Variants in ARFGEF3 observed in about 807,000 individuals in gnomAD.
ARFGEF3 encodes brefeldin A-inhibited guanine nucleotide-exchange protein 3.
A neutral mutation model predicts 221.7 loss-of-function variants in ARFGEF3; 96 were observed. The observed-to-expected ratio is 0.43, with a 90% confidence interval of 0.37 to 0.51. The LOEUF is 0.51. Among genes scored for constraint, ARFGEF3 ranks in the 20% least tolerant of loss-of-function variants. The pLI is 0.00. For missense variants in ARFGEF3, 2,410 were observed against 2,789.9 expected, an observed-to-expected ratio of 0.86 and a Z score of 3.07; for synonymous variants, 1,145 against 1,126.8, an observed-to-expected ratio of 1.02 and a Z score of -0.32.
At chr6:138,255,319 A>T (rs1276348148) in intron 9 of ARFGEF3, 117 bp from the exon 10 acceptor site, 4 of 676,338 alleles carry the variant, frequency 5.9e-6, no homozygotes, top group Non-Finnish European at 9.7e-6. Flanking sequence ...ATGTAGCCAA[A>T]AGAAGAAGAA....
In ARFGEF3 at chr6:138,317,151, A is replaced by T. The variant is rs149878183; in HGVS notation, c.4346-100A>T. ...ACACTGGGTGATGGCTCACGTCTGT[A>T]TAGCACTTGGCAGTTTACATACAAT... is the stretch of plus-strand genomic sequence containing the variant. On this transcript the variant is annotated intron_variant, in intron 26 of 33. Coordinates refer to ENST00000251691, the MANE Select transcript of ARFGEF3 (RefSeq NM_020340.5). 467 of 1,282,724 alleles carry T rather than the reference A, an allele frequency of 3.6e-4. 2 individuals carry two copies. The African/African-American group carries it at 6.2e-3, about 17-fold the overall frequency. The allele number at this position is 1,282,724 out of a possible 1,614,324, so 79.5% of individuals were successfully genotyped here.
At position 138,162,043 on chromosome 6, in the gene ARFGEF3, G is replaced by C. The variant is rs1289255128; in HGVS notation, c.-44G>C. On this transcript the variant is annotated 5_prime_UTR_variant, in exon 1 of 34. Transcript: ENST00000251691. The surrounding 1 kb of genome is among the most constrained non-coding windows in gnomAD (Gnocchi z 4.7). Reference sequence around the variant, plus strand: ...GGCTTCCCCGGCCCGGCTCGCCCGCGCTTCTCTCCCTGTGGGCGGCGGCCC... The same window carrying C: ...GGCTTCCCCGGCCCGGCTCGCCCGCCCTTCTCTCCCTGTGGGCGGCGGCCC... 1.4e-6 allele frequency: 2 copies of C among 1,461,280 alleles called. No homozygotes were observed. Among genetic ancestry groups the C allele is most frequent in the East Asian group, 2.9e-5 (1 of 34,384 alleles). The allele number at this position is 1,461,280 out of a possible 1,614,324, so 90.5% of individuals were successfully genotyped here. A position where few individuals can be genotyped will look rare whatever the true frequency, so the allele number is the denominator to read the frequency against.
At position 138,294,089 on chromosome 6, in the gene ARFGEF3, T is replaced by G. The variant is rs560563602; in HGVS notation, c.3465T>G (p.Ser1155=). ...KKASQSQLFH[S]VTDTVDYSLA... is the part of the protein sequence containing the mutation. ...CATCGCAGTCTCAGCTTTTCCATTC[T>G]GTTACAGATACAGTTGATTACTCTC... is the stretch of plus-strand genomic sequence containing the variant. Residue 1155 remains serine, a synonymous_variant, in exon 20 of 34, where the codon TCT becomes TCG. Transcript: ENST00000251691. 100 of 1,614,006 alleles carry G rather than the reference T, an allele frequency of 6.2e-5. 1 individual carries two copies. In the South Asian group the frequency reaches 9.7e-4, roughly 16 times the overall value.
chr6:138,207,989 A>G (rs1251235767), intron 3 of ARFGEF3, among the ~76,000 whole-genome samples: 2 of 152,328 alleles, frequency 1.3e-5, no homozygotes, highest in East Asian at 3.9e-4. Flanking sequence ...CAGCATTTGA[A>G]TATTTTAAAC....
At chr6:138,299,835 A>C (rs1779598379) in intron 22 of ARFGEF3, among the ~76,000 whole-genome samples, 1 of 152,216 alleles carries the variant, frequency 6.6e-6, no homozygotes, top group Non-Finnish European at 1.5e-5. Flanking sequence ...ATTGGCTCTT[A>C]ATGGAAAGTT....
At chr6:138,292,900 A>G (rs1779438270) in intron 19 of ARFGEF3, among the ~76,000 whole-genome samples, 2 of 152,234 alleles carry the variant, frequency 1.3e-5, no homozygotes, top group Non-Finnish European at 2.9e-5. Flanking sequence ...GGAAAGTAAT[A>G]TACAGGTGTC....
In ARFGEF3 at chr6:138,291,029, C is replaced by T. The variant is rs971038675; in HGVS notation, c.3048-704C>T. Among the ~76,000 whole-genome samples the T allele has an allele frequency of 4.6e-5, 7 of 152,138 alleles. No homozygotes were observed. The highest frequency in any genetic ancestry group is 7.4e-5 in the Non-Finnish European group (5 of 68,020). On this transcript the variant is annotated intron_variant, in intron 18 of 33. Transcript: ENST00000251691. The surrounding 1 kb of genome is among the most constrained non-coding windows in gnomAD (Gnocchi z 4.5). ...TTCTAGAACATCAGAGTGGATTATCCATGATGCTCTTTACCAGTAAACAGA... is the reference window on the plus strand; with the variant it reads ...TTCTAGAACATCAGAGTGGATTATCTATGATGCTCTTTACCAGTAAACAGA...
intron 32 of ARFGEF3, 53 bp from the exon 33 acceptor site, chr6:138,333,917 C>A: frequency 2.0e-6 from 3 of 1,534,010 alleles, no homozygotes; most frequent in Non-Finnish European, 2.6e-6. Context: ...TGCTTTGAGA[C>A]ACCTGATATA....
rs80286377 is a variant in ARFGEF3 at position 138,317,739 on chromosome 6, C to T, written c.4474+360C>T. ...CCTTTGTGGCAGGATCTCACAGTCA[C>T]ATGCTCTTGGCCCTTGGGCTGTTGG... On this transcript the variant is annotated intron_variant, in intron 27 of 33. Coordinates refer to ENST00000251691, the MANE Select transcript of ARFGEF3 (RefSeq NM_020340.5). Among the ~76,000 whole-genome samples the T allele has an allele frequency of 1.5e-4, 23 of 152,308 alleles. No individual in the cohort carries two copies. In the East Asian group the frequency reaches 4.1e-3, roughly 27 times the overall value.
Position 138,162,430 on chromosome 6 carries a change from C to G in ARFGEF3, c.85+259C>G, listed in dbSNP as rs1398242019. On this transcript the variant is annotated intron_variant, in intron 1 of 33. Transcript: ENST00000251691. The surrounding 1 kb of genome is among the most constrained non-coding windows in gnomAD (Gnocchi z 4.7). ...CCTCCCTGCCTGGCGGCCCCCTTCT[C>G]CTGGTCCCGGCGCTGGGGACGATGC... Among the ~76,000 whole-genome samples the G allele has an allele frequency of 3.3e-5, 5 of 152,212 alleles. No homozygotes were observed. Among genetic ancestry groups the G allele is most frequent in the African/African-American group, 1.2e-4 (5 of 41,460 alleles).
At chr6:138,238,915 T>C (rs377315099) in intron 6 of ARFGEF3, among the ~76,000 whole-genome samples, 5 of 152,320 alleles carry the variant, frequency 3.3e-5, no homozygotes, top group East Asian at 1.9e-4. Context: ...TGAAAATTTT[T>C]ATTAGAAACA....
chr6:138,270,506 A>T (rs931793207), intron 12 of ARFGEF3, among the ~76,000 whole-genome samples: 1 of 151,866 alleles, frequency 6.6e-6, no homozygotes, highest in Admixed American at 6.6e-5. Context: ...ATCTAACTTC[A>T]GATCCCAGCT....
intron 28 of ARFGEF3, among the ~76,000 whole-genome samples, 160 bp from the exon 29 acceptor site, chr6:138,320,951 G>C (rs1047203787): frequency 6.6e-6 from 1 of 152,066 alleles, no homozygotes; most frequent in Non-Finnish European, 1.5e-5. Flanking sequence ...TTGGCGGGGG[G>C]GGGCAGGAGG....
Position 138,262,332 on chromosome 6 carries a change from G to A in ARFGEF3, c.1218-369G>A, listed in dbSNP as rs1034720820. Among the ~76,000 whole-genome samples the A allele has an allele frequency of 3.3e-5, 5 of 152,024 alleles. No homozygotes were observed. The South Asian group carries it at 6.2e-4, about 19-fold the overall frequency. On this transcript the variant is annotated intron_variant, in intron 11 of 33. Transcript: ENST00000251691. ...AGCTTCCTGAGTAGCTGGGATTACAGGCACATACCAACCACACCTGGCTAA... is the reference window on the plus strand; with the variant it reads ...AGCTTCCTGAGTAGCTGGGATTACAAGCACATACCAACCACACCTGGCTAA...
At chr6:138,330,675 A>G (rs1428877324) in intron 32 of ARFGEF3, among the ~76,000 whole-genome samples, 1 of 152,160 alleles carries the variant, frequency 6.6e-6, no homozygotes, top group Admixed American at 6.5e-5. Context: ...ATCTCAAAAA[A>G]CCAACAAACA....
chr6:138,261,528 T>A lies in ARFGEF3; in HGVS notation c.1106T>A (p.Ile369Lys). 1.3e-6 allele frequency: 2 copies of A among 1,550,492 alleles called. No homozygotes were observed. Among genetic ancestry groups the A allele is most frequent in the East Asian group, 2.3e-5 (1 of 42,698 alleles). ...TACTCTTTTACCTTTTTCTTTAAGA[T>A]ACTTGGGAGCCCACAGCGTCTCTGT... is the stretch of plus-strand genomic sequence containing the variant. ...RVEAIKIMKE[I>K]LGSPQRLCDL... The change falls in exon 11 of 34, where the codon ATA becomes AAA. Residue 369 changes from isoleucine to lysine, a missense_variant and splice_region_variant. Ile to Lys is a moderately radical substitution (Grantham distance 102). Coordinates refer to ENST00000251691, the MANE Select transcript of ARFGEF3 (RefSeq NM_020340.5).
In ARFGEF3 at chr6:138,334,607, G is replaced by A; in HGVS notation, c.5761G>A (p.Asp1921Asn). 7 of 1,613,666 alleles carry A rather than the reference G, an allele frequency of 4.3e-6. No individual in the cohort carries two copies. Among genetic ancestry groups the A allele is most frequent in the Non-Finnish European group, 5.9e-6 (7 of 1,179,884 alleles). ...CAACAACTACATCCAGATGCACTTGGACCTGGAGAACTGTATGGAGGAGCC... is the reference window on the plus strand; with the variant it reads ...CAACAACTACATCCAGATGCACTTGAACCTGGAGAACTGTATGGAGGAGCC... ...LCNNYIQMHL[D>N]LENCMEEPPI... Residue 1921 changes from aspartate (D) to asparagine (N), a missense_variant, in exon 33 of 34, where the codon GAC (aspartate) becomes AAC (asparagine). Asp to Asn is a conservative substitution (Grantham distance 23). This residue lies in a region of ARFGEF3 where 339 missense variants were observed against 334.9 expected (regional missense o/e 1.01). Transcript: ENST00000251691. The surrounding 1 kb of genome is among the most constrained non-coding windows in gnomAD (Gnocchi z 5.1).
At chr6:138,317,402 T>G in intron 27 of ARFGEF3, 23 bp downstream of exon 27, 6 of 1,613,528 alleles carry the variant, frequency 3.7e-6, no homozygotes, top group Non-Finnish European at 5.1e-6. Context: ...GTGTCCGTCT[T>G]TTGGGGGAGT....
rs554263706 is a variant in ARFGEF3 at position 138,276,547 on chromosome 6, G to GT, written c.2129-1894dup. ...GAAAGTCAATAGCTATTATTTAATGGTTTTTTTTTTGAAACTCTTTATTTC... is the reference window on the plus strand; with the variant it reads ...GAAAGTCAATAGCTATTATTTAATGGTTTTTTTTTTTGAAACTCTTTATTTC... On this transcript the variant is annotated intron_variant, in intron 12 of 33. Transcript: ENST00000251691. 1.9e-3 allele frequency among the ~76,000 whole-genome samples: 289 copies of GT among 148,822 alleles called. 1 individual carries two copies. Among genetic ancestry groups the GT allele is most frequent in the East Asian group, 8.9e-3 (45 of 5,080 alleles).
Sources: gnomAD v4.1 joint callset for allele counts (sites outside exome capture counted in the v4.1 genomes callset) on GRCh38, gnomAD v4.1.1 for gene constraint, gnomAD v4.1.1 regional missense constraint, Gnocchi (gnomAD v3.1) non-coding constraint, MANE v1.5 for transcripts, NCBI Gene and HGNC (gene_info 2026-07-23, HGNC 2026-07-21) for gene names.